Variants in PTPRD observed in about 807,000 individuals in gnomAD.
PTPRD encodes the protein receptor-type tyrosine-protein phosphatase delta.
In PTPRD, 34 loss-of-function variants were observed where a neutral mutation model predicts 214.5. The observed-to-expected ratio is 0.16, with a 90% CI of 0.12 to 0.21. The LOEUF is 0.21. Ranked by LOEUF, PTPRD falls within the 10% of genes least tolerant of loss-of-function variation. The pLI, the probability that PTPRD is intolerant of heterozygous loss-of-function variation, is 1.00. For synonymous variants in PTPRD, 1,128 were observed against 845.7 expected (o/e 1.33, Z -5.79); for missense variants, 2,545 against 2,398.7 (o/e 1.06, Z -1.27).
chr9:10,102,971 C>T (rs1304532982), intron 3 of PTPRD, among the ~76,000 whole-genome samples: 1 of 151,540 alleles, frequency 6.6e-6, no homozygotes, highest in Non-Finnish European at 1.5e-5. Context: ...ATCTCTTCTT[C>T]AAAACACACA....
chr9:10,374,142 G>T (rs2097683516), intron 2 of PTPRD, among the ~76,000 whole-genome samples: 1 of 151,986 alleles, frequency 6.6e-6, no homozygotes, highest in African/African-American at 2.4e-5. Context: ...GGTCCTCTTT[G>T]CAAATACCAA....
chr9:8,763,197 C>A (rs1443700763), intron 11 of PTPRD, among the ~76,000 whole-genome samples: 1 of 152,156 alleles, frequency 6.6e-6, no homozygotes, highest in Non-Finnish European at 1.5e-5. Context: ...GACAGTAGAG[C>A]AGACTATAAG....
At chr9:8,945,596 C>T (rs2099059264) in intron 11 of PTPRD, among the ~76,000 whole-genome samples, 1 of 151,984 alleles carries the variant, frequency 6.6e-6, no homozygotes, top group Admixed American at 6.6e-5. Context: ...AAACCCTTCA[C>T]TGGCAATTGA....
chr9:9,208,712 C>T (rs1355773654), intron 9 of PTPRD, among the ~76,000 whole-genome samples: 1 of 151,964 alleles, frequency 6.6e-6, no homozygotes, highest in Non-Finnish European at 1.5e-5. Context: ...ATTGGAATAT[C>T]ATTAGTTTGT....
chr9:9,877,898 G>C (rs775048543), intron 5 of PTPRD, among the ~76,000 whole-genome samples: 1 of 151,114 alleles, frequency 6.6e-6, no homozygotes, highest in Non-Finnish European at 1.5e-5. Flanking sequence ...GCTTTACCCC[G>C]GGAGGTGGAG....
rs547489531 is a variant in PTPRD at position 8,376,171 on chromosome 9, T to C, written c.4507-81A>G. The C allele has an allele frequency of 3.6e-5, 54 of 1,500,056 alleles. No individual in the cohort carries two copies. In the South Asian group the frequency reaches 5.9e-4, roughly 16 times the overall value. The allele number at this position is 1,500,056 out of a possible 1,614,324, so 92.9% of individuals were successfully genotyped here. A position where few individuals can be genotyped will look rare whatever the true frequency, so the allele number is the denominator to read the frequency against. On this transcript the variant is annotated intron_variant, in intron 38 of 45. Transcript: ENST00000381196. ...ATGAATAACAGGGAAGAGGTAATGCTAAAATGTGCTATTTTAATTCCTTTC... is the reference window on the plus strand; with the variant it reads ...ATGAATAACAGGGAAGAGGTAATGCCAAAATGTGCTATTTTAATTCCTTTC...
intron 10 of PTPRD, among the ~76,000 whole-genome samples, chr9:9,146,909 C>T (rs774135904): frequency 1.2e-4 from 18 of 152,194 alleles, no homozygotes; most frequent in Non-Finnish European, 2.4e-4. Context: ...ACTAAACACA[C>T]GTGGAGCAGC....
chr9:9,003,571 C>T (rs932296022), intron 11 of PTPRD, among the ~76,000 whole-genome samples: 4 of 151,924 alleles, frequency 2.6e-5, no homozygotes, highest in Non-Finnish European at 4.4e-5. Flanking sequence ...TTTTGGATGT[C>T]CTAATTTAAT....
intron 5 of PTPRD, among the ~76,000 whole-genome samples, chr9:9,794,997 C>T (rs1242734386): frequency 2.6e-5 from 4 of 152,230 alleles, no homozygotes; most frequent in African/African-American, 9.6e-5. Context: ...GGTAGCTTCA[C>T]CTTAAAACCA....
chr9:9,329,165 G>A (rs1425877561), intron 9 of PTPRD, among the ~76,000 whole-genome samples: 1 of 151,964 alleles, frequency 6.6e-6, no homozygotes, highest in Non-Finnish European at 1.5e-5. Flanking sequence ...GACAACGAGA[G>A]TCATCCCAGT....
chr9:10,449,258 C>A (rs932138192), intron 2 of PTPRD, among the ~76,000 whole-genome samples: 6 of 151,896 alleles, frequency 4.0e-5, no homozygotes, highest in African/African-American at 1.5e-4. Flanking sequence ...CCGGGCTGGT[C>A]TCCAGCTCCT....
intron 26 of PTPRD, 67 bp from the exon 27 acceptor site, chr9:8,493,046 G>C (rs1034518787): frequency 1.5e-6 from 2 of 1,341,088 alleles, no homozygotes; most frequent in Non-Finnish European, 2.1e-6. Context: ...GAAAAACAAG[G>C]CCGTCTGCCT....
intron 9 of PTPRD, among the ~76,000 whole-genome samples, chr9:9,365,997 T>A (rs549839889): frequency 1.5e-3 from 225 of 151,620 alleles, no homozygotes; most frequent in African/African-American, 5.1e-3. Context: ...ATATTATAAA[T>A]CTTTACAAAG....
intron 3 of PTPRD, among the ~76,000 whole-genome samples, chr9:10,247,386 T>A (rs10958970): frequency 0.082 from 12,513 of 152,292 alleles, 658 homozygotes; most frequent in Non-Finnish European, 0.11. Context: ...TAAAGCTTTA[T>A]TAATTACGTA....
In PTPRD at chr9:8,340,441, C is replaced by A. The variant is rs1355211431; in HGVS notation, c.5155G>T (p.Gly1719Trp). 24 of 1,603,986 alleles carry A rather than the reference C, an allele frequency of 1.5e-5. No homozygotes were observed. Among genetic ancestry groups the A allele is most frequent in the Non-Finnish European group, 1.9e-5 (22 of 1,173,092 alleles). ...TCTTCAGTGGTCTCTGCCAAGGGCC[C>A]CTGGGTAGCGATGTAGGCTTTCTGT... is the stretch of plus-strand genomic sequence containing the variant. ...RQQKAYIATQ[G>W]PLAETTEDFW... Residue 1719 changes from glycine (G) to tryptophan (W), a missense_variant, in exon 42 of 46, where the codon GGG (glycine) becomes TGG (tryptophan). Gly to Trp is a radical substitution (Grantham distance 184). Coordinates refer to ENST00000381196, the MANE Select transcript of PTPRD (RefSeq NM_002839.4).
intron 8 of PTPRD, among the ~76,000 whole-genome samples, chr9:9,501,438 T>G (rs571172431): frequency 6.6e-6 from 1 of 152,066 alleles, no homozygotes; most frequent in South Asian, 2.1e-4. Context: ...ATCATATATG[T>G]GTATGCACCT....
chr9:8,627,870 G>T (rs1454913208), intron 14 of PTPRD, among the ~76,000 whole-genome samples: 1 of 151,838 alleles, frequency 6.6e-6, no homozygotes, highest in Non-Finnish European at 1.5e-5. Flanking sequence ...CGAAAGTCAG[G>T]AGCGTCTGTT....
chr9:10,416,310 G>A (rs935002424), intron 2 of PTPRD, among the ~76,000 whole-genome samples: 1 of 151,908 alleles, frequency 6.6e-6, no homozygotes, highest in Non-Finnish European at 1.5e-5. Flanking sequence ...AGTGAGCCAA[G>A]ATAGTACCAT....
At chr9:9,180,522 C>T (rs199630492) in intron 10 of PTPRD, among the ~76,000 whole-genome samples, 1 of 151,352 alleles carries the variant, frequency 6.6e-6, no homozygotes, top group Non-Finnish European at 1.5e-5. Flanking sequence ...GGGTGCAGCA[C>T]ACCAACATGG....
Sources: gnomAD v4.1 joint callset for allele counts (sites outside exome capture counted in the v4.1 genomes callset) on GRCh38, gnomAD v4.1.1 for gene constraint, MANE v1.5 for transcripts, NCBI Gene and HGNC (gene_info 2026-07-23, HGNC 2026-07-21) for gene names.